Variants in ALOXE3 observed in about 807,000 individuals in gnomAD.
The protein encoded by ALOXE3 is hydroperoxide isomerase ALOXE3.
ALOXE3 carries 78 observed loss-of-function variants against 87.5 expected under a neutral mutation model. The observed-to-expected ratio is 0.89, with a 90% confidence interval of 0.74 to 1.08. The LOEUF is 1.08. ALOXE3 is among the 50% of genes least tolerant of loss of function. The pLI is 0.00. For missense variants in ALOXE3, 946 were observed against 912.4 expected (o/e 1.04, Z -0.47); for synonymous variants, 363 against 370.8 (o/e 0.98, Z 0.24).
chr17:8,107,389 C>T (rs980258728), intron 13 of ALOXE3, among the ~76,000 whole-genome samples: 2 of 152,132 alleles, frequency 1.3e-5, no homozygotes, highest in Non-Finnish European at 2.9e-5. Context: ...TGGTGGCAGA[C>T]GCCTGTAATC....
At chr17:8,116,712 G>A in intron 3 of ALOXE3, 64 bp downstream of exon 3, 1 of 1,555,980 alleles carries the variant, frequency 6.4e-7, no homozygotes. Flanking sequence ...GGCTCTGTGA[G>A]ACCCCACTCC....
At chr17:8,098,090 A>C (rs575866437) in intron 15 of ALOXE3, among the ~76,000 whole-genome samples, 19 of 152,204 alleles carry the variant, frequency 1.2e-4, no homozygotes, top group Non-Finnish European at 1.9e-4. Context: ...GTTTTGTTGC[A>C]TTGGCGAAGC....
chr17:8,098,600 A>T (rs1978721026), intron 15 of ALOXE3, among the ~76,000 whole-genome samples: 1 of 152,192 alleles, frequency 6.6e-6, no homozygotes. Flanking sequence ...AGTTTTTATT[A>T]GTAATGGCTG....
In ALOXE3 at chr17:8,108,642, C is replaced by G. The variant is rs1979721372; in HGVS notation, c.1563-53G>C. The G allele has an allele frequency of 3.8e-6, 6 of 1,594,414 alleles. No individual in the cohort carries two copies. In the East Asian group the frequency reaches 1.1e-4, roughly 30 times the overall value. ...GGAGTAACCACGGGCTCAGTCCTGG[C>G]CAGGAAACCGAGGCCCACTGCTGCT... On this transcript the variant is annotated intron_variant, in intron 12 of 15. Coordinates refer to ENST00000448843, the MANE Select transcript of ALOXE3 (RefSeq NM_021628.3).
At chr17:8,109,110 G>T (rs2151837813) in intron 12 of ALOXE3, 64 bp downstream of exon 12, 2 of 1,601,414 alleles carry the variant, frequency 1.2e-6, no homozygotes, top group Non-Finnish European at 1.7e-6. Context: ...ATGAGCGCAG[G>T]GACCACAATG....
chr17:8,118,734 G>T (rs1426774699), upstream of ALOXE3: 4 of 1,537,308 alleles, frequency 2.6e-6, no homozygotes, highest in Admixed American at 7.8e-5. Flanking sequence ...TCAGGAAAGC[G>T]AAATACAGCG....
rs1411418950 is a variant in ALOXE3, at chr17:8,108,029, A to G, written c.1684+439T>C. Among the ~76,000 whole-genome samples, 3 of 81,942 alleles carry G rather than the reference A, an allele frequency of 3.7e-5. 1 individual carries two copies. Among genetic ancestry groups the G allele is most frequent in the African/African-American group, 1.2e-4 (3 of 25,538 alleles). 53.8% of individuals were successfully genotyped at this position (81,942 alleles called of 152,430 possible). A position where few individuals can be genotyped will look rare whatever the true frequency, so the allele number is the denominator to read the frequency against. ...AAAGAAAGAAAGAAAGAAAGAAAGA[A>G]AGAAAGAAAGAAAGAAAGAAAGAAA... On this transcript the variant is annotated intron_variant, in intron 13 of 15. Coordinates refer to ENST00000448843, the MANE Select transcript of ALOXE3 (RefSeq NM_021628.3).
chr17:8,097,747 C>CTTTTT (rs60450170), intron 15 of ALOXE3, among the ~76,000 whole-genome samples: 1 of 129,446 alleles, frequency 7.7e-6, no homozygotes, highest in African/African-American at 3.0e-5. Flanking sequence ...TACTACTGAT[C>CTTTTT]TTTTTTTTTT....
At chr17:8,114,368 G>T in intron 6 of ALOXE3, 116 bp downstream of exon 6, 1 of 1,420,272 alleles carries the variant, frequency 7.0e-7, no homozygotes. Flanking sequence ...AGAGAGGAGG[G>T]ACTGGGGCAG....
At chr17:8,104,417 G>A (rs1979139864) in intron 13 of ALOXE3, among the ~76,000 whole-genome samples, 1 of 152,140 alleles carries the variant, frequency 6.6e-6, no homozygotes, top group South Asian at 2.1e-4. Flanking sequence ...TGGGGGCTGG[G>A]ATCTGGCCAG....
intron 15 of ALOXE3, among the ~76,000 whole-genome samples, chr17:8,098,086 T>C (rs1464892185): frequency 6.6e-6 from 1 of 152,098 alleles, no homozygotes; most frequent in African/African-American, 2.4e-5. Flanking sequence ...TCTCGTTTTG[T>C]TGCATTGGCG....
rs764735278 is a variant in ALOXE3 at position 8,110,223 on chromosome 17, T to C, written c.1174A>G (p.Lys392Glu). 2.5e-6 allele frequency: 4 copies of C among 1,613,974 alleles called. No homozygotes were observed. In the East Asian group the frequency reaches 8.9e-5, roughly 36 times the overall value. Reference sequence around the variant, plus strand: ...AACTCAGAGTTGCGCACCCACGTCTTGGCCAGCAGCCAGTCCCATTCGGAG... The same window carrying C: ...AACTCAGAGTTGCGCACCCACGTCTCGGCCAGCAGCCAGTCCCATTCGGAG... ...TDSEWDWLLAKTWVRNSEFLV... is the reference protein window; with the variant it reads ...TDSEWDWLLAETWVRNSEFLV... Residue 392 changes from lysine (K) to glutamate (E), a missense_variant, in exon 10 of 16, where the codon AAG becomes GAG. Lys to Glu is a moderately conservative substitution (Grantham distance 56). Coordinates refer to ENST00000448843, the MANE Select transcript of ALOXE3 (RefSeq NM_021628.3).
intron 4 of ALOXE3, among the ~76,000 whole-genome samples, 180 bp from the exon 5 acceptor site, chr17:8,115,237 G>A (rs1433789243): frequency 1.3e-5 from 2 of 152,230 alleles, no homozygotes; most frequent in Non-Finnish European, 2.9e-5. Context: ...TTTAAGGATG[G>A]CATTAATGCC....
At position 8,107,958 on chromosome 17, in the gene ALOXE3, A is replaced by AAAGG. The variant is rs1167815488; in HGVS notation, c.1684+506_1684+509dup. Reference sequence around the variant, plus strand: ...GAAAGAAAGAAAGAAAGAAAGAAAGAAAGGAAGGAGAGAGAGAGAGAGAGA... The same window carrying AAAGG: ...GAAAGAAAGAAAGAAAGAAAGAAAGAAAGGAAGGAAGGAGAGAGAGAGAGAGAGA... On this transcript the variant is annotated intron_variant, in intron 13 of 15. Coordinates refer to ENST00000448843, the MANE Select transcript of ALOXE3 (RefSeq NM_021628.3). Among the ~76,000 whole-genome samples, 21 of 3,158 alleles carry AAAGG rather than the reference A, an allele frequency of 6.6e-3. 9 individuals are homozygous for AAAGG. Among genetic ancestry groups the AAAGG allele is most frequent in the East Asian group, 0.012 (8 of 646 alleles). 2.1% of individuals were successfully genotyped at this position (3,158 alleles called of 152,430 possible).
At chr17:8,114,746 C>A in intron 5 of ALOXE3, 137 bp from the exon 6 acceptor site, 1 of 1,484,996 alleles carries the variant, frequency 6.7e-7, no homozygotes, top group African/African-American at 1.4e-5. Flanking sequence ...CCTCTCTGCT[C>A]CTGAGCTAAA....
intron 6 of ALOXE3, 27 bp downstream of exon 6, chr17:8,114,457 T>G (rs1980394358): frequency 6.2e-7 from 1 of 1,613,070 alleles, no homozygotes; most frequent in East Asian, 2.2e-5. Context: ...AGATGTAAGA[T>G]GTTCATTAGA....
chr17:8,108,997 G>A lies in ALOXE3; in HGVS notation c.1562+177C>T, dbSNP rs1598207194. Among the ~76,000 whole-genome samples the A allele has an allele frequency of 2.0e-5, 3 of 152,192 alleles. No homozygotes were observed. In the South Asian group the frequency reaches 6.2e-4, roughly 32 times the overall value. ...TCCACACACCCCCAAGCCCCTCTCT[G>A]GACGGCAGCTACCTGCCATTTCAGA... On this transcript the variant is annotated intron_variant, in intron 12 of 15. Coordinates refer to ENST00000448843, the MANE Select transcript of ALOXE3 (RefSeq NM_021628.3).
chr17:8,104,226 G>A lies in ALOXE3; in HGVS notation c.1685-11C>T, dbSNP rs1354816874. ...GCCGGCTTGGGAAACCTGGGTGTGG[G>A]GAGGAAGGGTAGAGGGTGTGGATGG... is the stretch of plus-strand genomic sequence containing the variant. On this transcript the variant is annotated splice_polypyrimidine_tract_variant and intron_variant, in intron 13 of 15. Transcript: ENST00000448843. 1 of 1,608,414 alleles carries A rather than the reference G, an allele frequency of 6.2e-7. No individual in the cohort carries two copies. Among genetic ancestry groups the A allele is most frequent in the Non-Finnish European group, 8.5e-7 (1 of 1,175,096 alleles).
At chr17:8,107,927 A>AG (rs1979550585) in intron 13 of ALOXE3, among the ~76,000 whole-genome samples, 1 of 6,426 alleles carries the variant, frequency 1.6e-4, no homozygotes, top group South Asian at 2.9e-3. Flanking sequence ...GAAAGAAAGA[A>AG]AGAAAGAAAG....
Sources: allele counts gnomAD v4.1 joint callset (sites outside exome capture counted in the v4.1 genomes callset), GRCh38; gene constraint gnomAD v4.1.1; transcripts MANE v1.5; gene names NCBI Gene and HGNC (gene_info 2026-07-23, HGNC 2026-07-21).